NXPH1: variants seen among roughly 807,000 people sequenced by gnomAD.
The protein encoded by NXPH1 is neurexophilin 1, also known as neurexophilin-1.
In NXPH1, 5 loss-of-function variants were observed where a neutral mutation model predicts 23.7. The observed-to-expected ratio is 0.21, with a 90% CI of 0.11 to 0.44. The LOEUF (loss-of-function observed/expected upper bound fraction) is 0.44, where lower values mean the gene tolerates loss of function less well. NXPH1 is among the 20% of genes least tolerant of loss of function. The pLI is 0.99. For missense variants in NXPH1, 324 were observed against 321.6 expected, an observed-to-expected ratio of 1.01 and a Z score of -0.06; for synonymous variants, 144 against 122.2, an observed-to-expected ratio of 1.18 and a Z score of -1.18.
At chr7:8,479,598 GC>G (rs1439191473) in intron 2 of NXPH1, among the ~76,000 whole-genome samples, 2 of 152,148 alleles carry the variant, frequency 1.3e-5, no homozygotes, top group Non-Finnish European at 2.9e-5. Flanking sequence ...GATCGTGGTG[GC>G]TTTGAAATAA....
chr7:8,679,169 A>C (rs375183662), intron 2 of NXPH1, among the ~76,000 whole-genome samples: 2 of 151,652 alleles, frequency 1.3e-5, no homozygotes, highest in East Asian at 1.9e-4. Flanking sequence ...GGATGGTCTC[A>C]ATCTCCTGAC....
At chr7:8,678,928 A>ATTTTTTTTTTTTCTTTT (rs1821000565) in intron 2 of NXPH1, among the ~76,000 whole-genome samples, 1 of 68,762 alleles carries the variant, frequency 1.5e-5, no homozygotes, top group Non-Finnish European at 2.5e-5. Flanking sequence ...GCTTTATCCA[A>ATTTTTTTTTTTTCTTTT]TTTTTTTTTT....
intron 2 of NXPH1, among the ~76,000 whole-genome samples, chr7:8,742,578 A>G (rs1780386051): frequency 1.7e-5 from 2 of 118,370 alleles, no homozygotes; most frequent in South Asian, 5.7e-4. Context: ...TTAATTGGAA[A>G]ATATATAATG....
intron 2 of NXPH1, among the ~76,000 whole-genome samples, chr7:8,601,330 C>G (rs911854504): frequency 6.6e-6 from 1 of 151,880 alleles, no homozygotes; most frequent in Non-Finnish European, 1.5e-5. Flanking sequence ...ATAGGAGAAC[C>G]AGACTAAGAG....
intron 2 of NXPH1, among the ~76,000 whole-genome samples, chr7:8,558,012 G>C (rs576671244): frequency 3.3e-5 from 5 of 151,570 alleles, no homozygotes; most frequent in African/African-American, 1.2e-4. Context: ...TAAAAAAAAG[G>C]TTCAAAGCAC....
At chr7:8,597,038 G>A (rs924070895) in intron 2 of NXPH1, among the ~76,000 whole-genome samples, 2 of 152,080 alleles carry the variant, frequency 1.3e-5, no homozygotes, top group East Asian at 3.9e-4. Context: ...TGAGGATAAA[G>A]AGAGCCCTTC....
chr7:8,469,436 A>G (rs1011505735), intron 2 of NXPH1, among the ~76,000 whole-genome samples: 2 of 152,036 alleles, frequency 1.3e-5, no homozygotes, highest in South Asian at 4.1e-4. Context: ...CAGTTTTGTG[A>G]GTATAATCAA....
intron 2 of NXPH1, among the ~76,000 whole-genome samples, chr7:8,691,366 C>T (rs1003742151): frequency 1.3e-5 from 2 of 152,078 alleles, no homozygotes; most frequent in African/African-American, 4.8e-5. Flanking sequence ...TCAGGCTGCT[C>T]TCCCATTCCC....
At chr7:8,736,955 C>CT (rs201607337) in intron 2 of NXPH1, among the ~76,000 whole-genome samples, 7,967 of 145,048 alleles carry the variant, frequency 0.055, 703 homozygotes, top group African/African-American at 0.19. Context: ...CAACCCCTAC[C>CT]TTTTTTTTTT....
intron 2 of NXPH1, among the ~76,000 whole-genome samples, chr7:8,611,764 A>T (rs1429541877): frequency 6.6e-6 from 1 of 152,016 alleles, no homozygotes; most frequent in East Asian, 1.9e-4. Flanking sequence ...ATGATAGGAG[A>T]CTTTGGTTAG....
intron 2 of NXPH1, among the ~76,000 whole-genome samples, chr7:8,591,212 G>C (rs190172080): frequency 8.6e-4 from 131 of 152,054 alleles, no homozygotes; most frequent in African/African-American, 3.0e-3. Context: ...TGTTTTCTTC[G>C]ACCCTCACAA....
intron 2 of NXPH1, among the ~76,000 whole-genome samples, chr7:8,706,527 T>C (rs1281672049): frequency 2.0e-5 from 3 of 152,154 alleles, no homozygotes; most frequent in Non-Finnish European, 4.4e-5. Flanking sequence ...TTGCATTCTA[T>C]GTAAATGTTC....
At chr7:8,670,677 T>C (rs2115169353) in intron 2 of NXPH1, among the ~76,000 whole-genome samples, 1 of 152,344 alleles carries the variant, frequency 6.6e-6, no homozygotes, top group Non-Finnish European at 1.5e-5. Flanking sequence ...AAAAAATGTG[T>C]TCTTTAAAAC....
intron 2 of NXPH1, among the ~76,000 whole-genome samples, chr7:8,627,807 A>G (rs1820026019): frequency 6.6e-6 from 1 of 152,184 alleles, no homozygotes; most frequent in Non-Finnish European, 1.5e-5. Context: ...CATGCTTCTT[A>G]GCAACCAGAC....
chr7:8,468,866 G>A (rs1419570518), intron 2 of NXPH1, among the ~76,000 whole-genome samples: 1 of 151,994 alleles, frequency 6.6e-6, no homozygotes, highest in Non-Finnish European at 1.5e-5. Flanking sequence ...TTATGGAAAG[G>A]TAGTTTCATC....
At chr7:8,515,121 G>A (rs191026742) in intron 2 of NXPH1, among the ~76,000 whole-genome samples, 1 of 152,134 alleles carries the variant, frequency 6.6e-6, no homozygotes, top group Admixed American at 6.6e-5. Flanking sequence ...TTTACAAAAT[G>A]CTTTCCAGCT....
At chr7:8,550,972 A>G (rs2128619615) in intron 2 of NXPH1, among the ~76,000 whole-genome samples, 1 of 151,562 alleles carries the variant, frequency 6.6e-6, no homozygotes, top group Admixed American at 6.6e-5. Context: ...TTTAAAAATT[A>G]TTTTTAGGAT....
intron 2 of NXPH1, among the ~76,000 whole-genome samples, chr7:8,529,933 T>C (rs1817924313): frequency 6.6e-6 from 1 of 152,200 alleles, no homozygotes; most frequent in Non-Finnish European, 1.5e-5. Flanking sequence ...AAAATGAAGA[T>C]TATGTTAATT....
chr7:8,716,341 A>G (rs1435054073), intron 2 of NXPH1, among the ~76,000 whole-genome samples: 4 of 152,188 alleles, frequency 2.6e-5, no homozygotes, highest in Non-Finnish European at 5.9e-5. Flanking sequence ...TAGGAAATGG[A>G]GTTTAGCCAA....
Sources: gnomAD v4.1 joint callset for allele counts (sites outside exome capture counted in the v4.1 genomes callset) on GRCh38, gnomAD v4.1.1 for gene constraint, MANE v1.5 for transcripts, NCBI Gene and HGNC (gene_info 2026-07-23, HGNC 2026-07-21) for gene names.